THAP5: variants seen among roughly 807,000 people sequenced by gnomAD.
THAP5 encodes the protein THAP domain containing 5, also known as THAP domain-containing protein 5.
A neutral mutation model predicts 34.0 loss-of-function variants in THAP5; 26 were observed. That is an observed-to-expected ratio of 0.77 (90% CI 0.56 to 1.06). The LOEUF is 1.06. Among genes scored for constraint, THAP5 ranks in the 50% least tolerant of loss-of-function variants. The pLI is 0.00. For missense variants in THAP5, 394 were observed against 452.8 expected (o/e 0.87, Z 1.18); for synonymous variants, 125 against 153.0 (o/e 0.82, Z 1.35).
At chr7:108,556,805 C>A (rs776126787) in intron 1 of THAP5, among the ~76,000 whole-genome samples, 9 of 152,226 alleles carry the variant, frequency 5.9e-5, no homozygotes, top group Admixed American at 1.3e-4. Flanking sequence ...CCAGTAGGGA[C>A]TCTGTGTGGG....
At chr7:108,558,377 G>GTGTGTATATATATATATATATATA (rs1401164750), downstream of THAP5, among the ~76,000 whole-genome samples, 60 of 62,972 alleles carry the variant, frequency 9.5e-4, no homozygotes, top group African/African-American at 3.7e-3. Context: ...ATGTGTGTGT[G>GTGTGTATATATATATATATATATA]TATGTATATA....
At chr7:108,556,042 G>C (rs1359419853) in intron 1 of THAP5, among the ~76,000 whole-genome samples, 1 of 152,134 alleles carries the variant, frequency 6.6e-6, no homozygotes, top group Non-Finnish European at 1.5e-5. Flanking sequence ...AGAGAAAGGA[G>C]GAAGTGCTAC....
At position 108,564,084 on chromosome 7, in the gene THAP5, G is replaced by A; in HGVS notation, c.*107C>T. On this transcript the variant is annotated 3_prime_UTR_variant, in exon 3 of 3. Coordinates refer to ENST00000415914, the MANE Select transcript of THAP5 (RefSeq NM_001130475.3). ...TTCATAACTTTACAACACTCTCATA[G>A]GTTCATTAAGATGAGAACTTTATAC... The A allele has an allele frequency of 3.4e-6, 3 of 881,494 alleles. No individual in the cohort carries two copies. The highest frequency in any genetic ancestry group is 2.7e-4 in the Middle Eastern group (1 of 3,664). The allele number at this position is 881,494 out of a possible 1,614,324, so 54.6% of individuals were successfully genotyped here.
chr7:108,557,996 C>T (rs1324765514), downstream of THAP5, among the ~76,000 whole-genome samples: 1 of 152,142 alleles, frequency 6.6e-6, no homozygotes, highest in Non-Finnish European at 1.5e-5. Flanking sequence ...GAAGCAAGCA[C>T]CTTCTTCACT....
At chr7:108,569,101 C>G in intron 1 of THAP5, 11 of 1,048,974 alleles carry the variant, frequency 1.0e-5, no homozygotes, top group Non-Finnish European at 1.3e-5. Context: ...CGACCTACCT[C>G]GCGGGGGGTG....
chr7:108,552,878 T>G (rs966764731), downstream of THAP5, among the ~76,000 whole-genome samples: 5 of 152,208 alleles, frequency 3.3e-5, no homozygotes, highest in Non-Finnish European at 5.9e-5. Context: ...TTTGTTGCAT[T>G]TGCTATCTCA....
the THAP5 span, among the ~76,000 whole-genome samples, chr7:108,544,487 C>T: frequency 4.4e-4 from 66 of 151,122 alleles, no homozygotes; most frequent in Non-Finnish European, 8.7e-4. Context: ...GCCGAGATCG[C>T]GCCACTGCAC....
chr7:108,557,857 A>G (rs114798023), downstream of THAP5, among the ~76,000 whole-genome samples: 2,196 of 152,316 alleles, frequency 0.014, 23 homozygotes, highest in Middle Eastern at 0.031. Flanking sequence ...CACTGCTATA[A>G]ATAACTACCT....
chr7:108,564,483 T>C lies in THAP5; in HGVS notation c.896A>G (p.Glu299Gly), dbSNP rs368230569. 10 of 1,613,956 alleles carry C rather than the reference T, an allele frequency of 6.2e-6. No homozygotes were observed. The highest frequency in any genetic ancestry group is 8.5e-6 in the Non-Finnish European group (10 of 1,179,926). ...ISAQKETTEM[E>G]DTDIEDSLYK... ...CAAGGAGTCTTCAATGTCTGTGTCTTCCATTTCCGTGGTTTCTTTTTGTGC... is the reference window on the plus strand; with the variant it reads ...CAAGGAGTCTTCAATGTCTGTGTCTCCCATTTCCGTGGTTTCTTTTTGTGC... Residue 299 changes from glutamate to glycine, a missense_variant, in exon 3 of 3, where the codon GAA becomes GGA. Transcript: ENST00000415914.
At chr7:108,553,966 AG>A (rs569866875), downstream of THAP5, among the ~76,000 whole-genome samples, 30 of 152,278 alleles carry the variant, frequency 2.0e-4, 2 homozygotes, top group South Asian at 6.0e-3. Flanking sequence ...TCCTTCAAAG[AG>A]CATGTATTGG....
chr7:108,557,307 T>C (rs1167443934), downstream of THAP5, among the ~76,000 whole-genome samples: 1 of 152,264 alleles, frequency 6.6e-6, no homozygotes, highest in Non-Finnish European at 1.5e-5. Flanking sequence ...GGTTTTTCTT[T>C]TCTACCGCAT....
At chr7:108,549,256 G>C in the THAP5 span, among the ~76,000 whole-genome samples, 1 of 151,724 alleles carries the variant, frequency 6.6e-6, no homozygotes, top group African/African-American at 2.4e-5. Context: ...TGAGTAGCTG[G>C]GACTACAGGT....
chr7:108,556,504 A>T (rs1174095272), intron 1 of THAP5, among the ~76,000 whole-genome samples: 1 of 152,234 alleles, frequency 6.6e-6, no homozygotes, highest in Non-Finnish European at 1.5e-5. Context: ...TACAAGCTCC[A>T]TGCAAGTCCA....
chr7:108,552,001 G>T (rs1864356410), downstream of THAP5, among the ~76,000 whole-genome samples: 1 of 152,080 alleles, frequency 6.6e-6, no homozygotes, highest in African/African-American at 2.4e-5. Context: ...TGCCTGGAGG[G>T]TATACACTTG....
At chr7:108,565,653 TTCA>T (rs1790470530) in intron 2 of THAP5, 174 bp downstream of exon 2, 1 of 485,426 alleles carries the variant, frequency 2.1e-6, no homozygotes. Flanking sequence ...TAAGCTGTGC[TTCA>T]TGAGTTTAAT....
At chr7:108,547,393 A>G in the THAP5 span, among the ~76,000 whole-genome samples, 5 of 152,186 alleles carry the variant, frequency 3.3e-5, no homozygotes, top group Non-Finnish European at 2.9e-5. Context: ...ATCTTTATTA[A>G]TGGAAAACAT....
chr7:108,562,171 T>C lies in THAP5; in HGVS notation c.*2020A>G, dbSNP rs1364641708. The stretch of plus-strand genomic sequence containing the variant: ...TAATTTATTAAAGAAATAAAGCTAG[T>C]TTAAATTTTTTCTGAGGAACCTGTA... On this transcript the variant is annotated 3_prime_UTR_variant, in exon 3 of 3. Transcript: ENST00000415914. 6.6e-6 allele frequency: 1 copy of C among 152,216 alleles called. No individual in the cohort carries two copies. The highest frequency in any genetic ancestry group is 1.5e-5 in the Non-Finnish European group (1 of 68,040). 9.4% of individuals were successfully genotyped at this position (152,216 alleles called of 1,614,324 possible).
At chr7:108,557,541 A>T (rs1864395403), downstream of THAP5, among the ~76,000 whole-genome samples, 1 of 152,250 alleles carries the variant, frequency 6.6e-6, no homozygotes, top group African/African-American at 2.4e-5. Flanking sequence ...CAATGCCACC[A>T]GTCTCTTTGC....
At chr7:108,554,406 T>C (rs527983070), downstream of THAP5, 2 of 152,298 alleles carry the variant, frequency 1.3e-5, no homozygotes, top group East Asian at 3.9e-4. Flanking sequence ...GTGGGTAAGA[T>C]AGGAGACACC....
Sources: gnomAD v4.1 joint callset for allele counts (sites outside exome capture counted in the v4.1 genomes callset) on GRCh38, gnomAD v4.1.1 for gene constraint, MANE v1.5 for transcripts, NCBI Gene and HGNC (gene_info 2026-07-23, HGNC 2026-07-21) for gene names.